Variants in PABIR3 observed in about 807,000 individuals in gnomAD.
PABIR3 encodes the protein PABIR family member 1.
PABIR3 carries 20 observed loss-of-function variants against 23.1 expected under a neutral mutation model. The ratio of observed to expected loss-of-function variants is 0.86; its 90% CI spans 0.61 to 1.26. The LOEUF is 1.26. PABIR3 is among the 50% of genes most tolerant of loss of function. The probability of loss-of-function intolerance (pLI) is 0.00; values close to 1 mark genes in which losing one functional copy is unlikely to be tolerated. For synonymous variants in PABIR3, 69 were observed against 68.5 expected (o/e 1.01, Z -0.04); for missense variants, 189 against 195.4 (o/e 0.97, Z 0.20).
intron 10 of PABIR3, among the ~76,000 whole-genome samples, chrX:134,853,566 A>G (rs1195450637): frequency 9.0e-6 from 1 of 111,017 alleles, no homozygotes; most frequent in African/African-American, 3.3e-5. Context: ...CATGCCTAAG[A>G]AAGCATGTCT....
At position 134,814,823 on chromosome X, in the gene PABIR3, A is replaced by C; in HGVS notation, c.163A>C (p.Thr55Pro). ...ADMLRIRTNR[T>P]TFRNRRSLLL... is the part of the protein sequence containing the mutation. ...CATGTTAAGAATTAGGACAAACAGAACAACATTTAGGAATCGACGCTCTCT... is the reference window on the plus strand; with the variant it reads ...CATGTTAAGAATTAGGACAAACAGACCAACATTTAGGAATCGACGCTCTCT... Residue 55 changes from threonine (T) to proline (P), a missense_variant, in exon 3 of 11, where the codon ACA becomes CCA. By Grantham distance (38) the Thr-to-Pro change is conservative. Coordinates refer to ENST00000645433, the MANE Select transcript of PABIR3 (RefSeq NM_001388447.1). 1 of 1,201,921 alleles carries C rather than the reference A, an allele frequency of 8.3e-7. No individual in the cohort carries two copies. The highest frequency in any genetic ancestry group is 1.1e-6 in the Non-Finnish European group (1 of 890,457).
rs982148087 is a variant in PABIR3 at position 134,854,572 on chromosome X, G to A, written c.*355G>A. 4 of 132,888 alleles carry A rather than the reference G, an allele frequency of 3.0e-5. No individual in the cohort carries two copies. The highest frequency in any genetic ancestry group is 5.9e-5 in the Non-Finnish European group (4 of 67,651). The allele number at this position is 132,888 out of a possible 1,213,427, so 11.0% of individuals were successfully genotyped here. A position where few individuals can be genotyped will look rare whatever the true frequency, so the allele number is the denominator to read the frequency against. The stretch of plus-strand genomic sequence containing the variant: ...AACATAATTCTGATAAAATATAATT[G>A]TTCAATTAACAAAGTAAAATGATGT... On this transcript the variant is annotated 3_prime_UTR_variant, in exon 11 of 11. Transcript: ENST00000645433.
chrX:134,813,610 G>A (rs1221730379), intron 2 of PABIR3, among the ~76,000 whole-genome samples: 1 of 111,573 alleles, frequency 9.0e-6, no homozygotes, highest in Non-Finnish European at 1.9e-5. Context: ...GTCTTAAACC[G>A]TTTCAAAATA....
At chrX:134,805,520 T>G (rs949408097), upstream of PABIR3, among the ~76,000 whole-genome samples, 1 of 112,172 alleles carries the variant, frequency 8.9e-6, no homozygotes, top group Non-Finnish European at 1.9e-5. Flanking sequence ...TCACGAACTA[T>G]CTCAAGACTG....
intron 1 of PABIR3, among the ~76,000 whole-genome samples, chrX:134,802,017 C>T (rs760220131): frequency 1.0e-3 from 111 of 108,652 alleles, no homozygotes; most frequent in South Asian, 7.7e-3. Flanking sequence ...ACTCTCTCGC[C>T]GCCCCCACCC....
intron 3 of PABIR3, chrX:134,821,188 A>T (rs2081269222): frequency 1.7e-6 from 1 of 576,990 alleles, no homozygotes; most frequent in African/African-American, 2.6e-5. Context: ...TTGAAGAGCC[A>T]TGGGTTTTTG....
Position 134,847,495 on chromosome X carries a change from A to G in PABIR3, c.438+20A>G, listed in dbSNP as rs1392676175. The G allele has an allele frequency of 5.6e-6, 6 of 1,067,110 alleles. No homozygotes were observed. The highest frequency in any genetic ancestry group is 7.8e-6 in the Non-Finnish European group (6 of 769,269). 87.9% of individuals were successfully genotyped at this position (1,067,110 alleles called of 1,213,427 possible). On this transcript the variant is annotated intron_variant, in intron 7 of 10. Transcript: ENST00000645433. ...GGGAAGGTAAGAAAGGAGTACCTAAAAGTCTATGTCTCTTGAAATAGTTAG... is the reference window on the plus strand; with the variant it reads ...GGGAAGGTAAGAAAGGAGTACCTAAGAGTCTATGTCTCTTGAAATAGTTAG...
chrX:134,855,772 A>G (rs758803134), downstream of PABIR3, among the ~76,000 whole-genome samples: 66 of 111,901 alleles, frequency 5.9e-4, no homozygotes, highest in Non-Finnish European at 9.6e-4. Flanking sequence ...GAAACCAACT[A>G]TTTATAAAAT....
At chrX:134,864,568 A>T in the PABIR3 span, among the ~76,000 whole-genome samples, 1 of 110,978 alleles carries the variant, frequency 9.0e-6, no homozygotes, top group Non-Finnish European at 1.9e-5. Context: ...CACAATATGT[A>T]CTCTTTTGTG....
chrX:134,820,074 T>A (rs998578164), intron 3 of PABIR3, among the ~76,000 whole-genome samples: 1 of 111,199 alleles, frequency 9.0e-6, no homozygotes, highest in Non-Finnish European at 1.9e-5. Context: ...CCTACCATCT[T>A]CAGCAGCCAC....
chrX:134,808,105 C>G (rs927698331), intron 2 of PABIR3: 14 of 296,596 alleles, frequency 4.7e-5, no homozygotes, highest in Non-Finnish European at 7.6e-5. Context: ...GTCATTTCAG[C>G]TGCTTTGTCA....
chrX:134,804,261 G>A (rs1043153754), upstream of PABIR3: 13 of 1,128,986 alleles, frequency 1.2e-5, no homozygotes, highest in African/African-American at 3.6e-5. Context: ...GTATAATAAT[G>A]TGTGCGTAGA....
At chrX:134,808,230 C>T (rs899863855) in intron 2 of PABIR3, 2 of 294,906 alleles carry the variant, frequency 6.8e-6, no homozygotes, top group Non-Finnish European at 1.2e-5. Flanking sequence ...TGCTCTGTCG[C>T]CCAGGCTGGA....
intron 3 of PABIR3, among the ~76,000 whole-genome samples, chrX:134,826,047 A>G (rs971035658): frequency 9.0e-6 from 1 of 110,511 alleles, no homozygotes; most frequent in African/African-American, 3.3e-5. Flanking sequence ...ATCTGAGTAT[A>G]TCTATTCCAA....
the PABIR3 span, among the ~76,000 whole-genome samples, chrX:134,862,150 T>G: frequency 2.1e-5 from 2 of 93,412 alleles, no homozygotes; most frequent in Admixed American, 1.2e-4. Flanking sequence ...CTGTTTTTTT[T>G]TTTTTTTTTT....
At chrX:134,840,919 A>G (rs1264211885) in intron 4 of PABIR3, among the ~76,000 whole-genome samples, 1 of 108,475 alleles carries the variant, frequency 9.2e-6, no homozygotes, top group Non-Finnish European at 1.9e-5. Flanking sequence ...GCTTGTTCAT[A>G]TTTTATACAT....
the PABIR3 span, among the ~76,000 whole-genome samples, chrX:134,864,314 T>C: frequency 9.0e-6 from 1 of 111,558 alleles, no homozygotes; most frequent in Non-Finnish European, 1.9e-5. Context: ...AGTGAGCCAT[T>C]GTACCCGGCC....
intron 4 of PABIR3, among the ~76,000 whole-genome samples, chrX:134,829,738 G>A (rs978653177): frequency 9.0e-5 from 10 of 111,406 alleles, no homozygotes; most frequent in East Asian, 5.6e-4. Flanking sequence ...ACGCATGCAC[G>A]TCTCTGTGTT....
chrX:134,854,891 T>C (rs1368239010), downstream of PABIR3: 1 of 112,137 alleles, frequency 8.9e-6, no homozygotes, highest in East Asian at 2.8e-4. Context: ...CTGATTAATT[T>C]TGTATTCTAA....
Sources: allele counts gnomAD v4.1 joint callset (sites outside exome capture counted in the v4.1 genomes callset), GRCh38; gene constraint gnomAD v4.1.1; transcripts MANE v1.5; gene names NCBI Gene and HGNC (gene_info 2026-07-23, HGNC 2026-07-21).